Variants in GRIK1 observed in about 807,000 individuals in gnomAD.
GRIK1 encodes the protein glutamate receptor ionotropic, kainate 1.
In GRIK1, 69 loss-of-function variants were observed where a neutral mutation model predicts 105.7. That is an observed-to-expected ratio of 0.65 (90% CI 0.54 to 0.80). The LOEUF is 0.80. Among genes scored for constraint, GRIK1 ranks in the 30% least tolerant of loss-of-function variants. The probability of loss-of-function intolerance (pLI) is 0.00; values close to 1 mark genes in which losing one functional copy is unlikely to be tolerated. For missense variants in GRIK1, 1,109 were observed against 1,167.3 expected (o/e 0.95, Z 0.73); for synonymous variants, 438 against 431.3 (o/e 1.02, Z -0.19).
chr21:29,796,356 C>T (rs2066555073), intron 1 of GRIK1, among the ~76,000 whole-genome samples: 1 of 152,028 alleles, frequency 6.6e-6, no homozygotes, highest in Non-Finnish European at 1.5e-5. Flanking sequence ...TGGAGAAAGA[C>T]CTAAACTGCC....
rs375328933 is a variant in GRIK1 at position 29,641,590 on chromosome 21, C to T, written c.1098+1236G>A. On this transcript the variant is annotated intron_variant, in intron 7 of 17. Transcript: ENST00000327783. Reference sequence around the variant, plus strand: ...GAACTAAGATTTAAACCCATGCAGTCACTGCCAGGACTAGGATAAAGTAAG... The same window carrying T: ...GAACTAAGATTTAAACCCATGCAGTTACTGCCAGGACTAGGATAAAGTAAG... Among the ~76,000 whole-genome samples, 3 of 152,180 alleles carry T rather than the reference C, an allele frequency of 2.0e-5. 1 individual carries two copies. In the East Asian group the frequency reaches 5.8e-4, roughly 29 times the overall value.
intron 7 of GRIK1, among the ~76,000 whole-genome samples, chr21:29,601,945 T>TG (rs34117504): frequency 1.3e-5 from 2 of 152,250 alleles, no homozygotes; most frequent in African/African-American, 2.4e-5. Flanking sequence ...TTAATTTGTG[T>TG]TTTTACTTTT....
chr21:29,741,451 C>T (rs1226098255), intron 1 of GRIK1, among the ~76,000 whole-genome samples: 1 of 152,084 alleles, frequency 6.6e-6, no homozygotes, highest in East Asian at 1.9e-4. Context: ...TTTCTGAAAT[C>T]ATTGTGAATG....
intron 1 of GRIK1, among the ~76,000 whole-genome samples, chr21:29,841,838 G>C (rs1054461107): frequency 1.3e-5 from 2 of 151,982 alleles, no homozygotes; most frequent in Non-Finnish European, 2.9e-5. Context: ...GGAAACAATG[G>C]TTTCTGTTTG....
At chr21:29,722,970 T>C (rs2064359938) in intron 1 of GRIK1, among the ~76,000 whole-genome samples, 1 of 152,346 alleles carries the variant, frequency 6.6e-6, no homozygotes, top group East Asian at 1.9e-4. Flanking sequence ...TTTATGTCTA[T>C]CTCAATTTTA....
intron 1 of GRIK1, among the ~76,000 whole-genome samples, chr21:29,920,053 T>C (rs975988741): frequency 2.6e-5 from 4 of 152,168 alleles, no homozygotes; most frequent in Admixed American, 2.6e-4. Context: ...GAAGAATCAA[T>C]GAAGATTTAG....
intron 1 of GRIK1, among the ~76,000 whole-genome samples, chr21:29,739,248 A>T (rs1601571564): frequency 6.6e-6 from 1 of 152,342 alleles, no homozygotes; most frequent in South Asian, 2.1e-4. Context: ...CTCTGGCAAG[A>T]TGACATTTAA....
intron 1 of GRIK1, among the ~76,000 whole-genome samples, chr21:29,811,081 G>T (rs548891345): frequency 6.6e-6 from 1 of 152,202 alleles, no homozygotes; most frequent in African/African-American, 2.4e-5. Flanking sequence ...ATAATCTGGT[G>T]GTGCTCGCTG....
In GRIK1 at chr21:29,757,218, A is replaced by G. The variant is rs371635101; in HGVS notation, c.119-63155T>C. ...CAACCAGGGACTGTTCCAATATCACATTTAAAAGGGGTTGGTGGCCTCATT... is the reference window on the plus strand; with the variant it reads ...CAACCAGGGACTGTTCCAATATCACGTTTAAAAGGGGTTGGTGGCCTCATT... On this transcript the variant is annotated intron_variant, in intron 1 of 17. Transcript: ENST00000327783. Among the ~76,000 whole-genome samples, 342 of 152,350 alleles carry G rather than the reference A, an allele frequency of 2.2e-3. 10 individuals carry two copies. The South Asian group carries it at 0.057, about 25-fold the overall frequency.
At position 29,617,185 on chromosome 21, in the gene GRIK1, C is replaced by T. The variant is rs190703696; in HGVS notation, c.1099-18248G>A. Among the ~76,000 whole-genome samples the T allele has an allele frequency of 2.0e-5, 3 of 152,288 alleles. No individual in the cohort carries two copies. The East Asian group carries it at 5.8e-4, about 29-fold the overall frequency. ...GGCATTAAAAAGAAACATAAAACAC[C>T]TTCCAGAGAAGGAAACACACATCCT... is the stretch of plus-strand genomic sequence containing the variant. On this transcript the variant is annotated intron_variant, in intron 7 of 17. Transcript: ENST00000327783.
chr21:29,541,573 G>GTTTTTTTTTTTTTTTTTT (rs1202014711), intron 16 of GRIK1, among the ~76,000 whole-genome samples: 2 of 83,742 alleles, frequency 2.4e-5, no homozygotes, highest in African/African-American at 1.5e-4. Flanking sequence ...TGCACTCACG[G>GTTTTTTTTTTTTTTTTTT]TCTTTTTTTT....
At chr21:29,788,841 T>G (rs1050050183) in intron 1 of GRIK1, among the ~76,000 whole-genome samples, 1 of 152,160 alleles carries the variant, frequency 6.6e-6, no homozygotes, top group African/African-American at 2.4e-5. Context: ...GTTCACACTC[T>G]TATGAGAATC....
intron 1 of GRIK1, among the ~76,000 whole-genome samples, chr21:29,754,928 A>C (rs1467074000): frequency 6.6e-6 from 1 of 152,118 alleles, no homozygotes; most frequent in East Asian, 1.9e-4. Flanking sequence ...ATGTAGGCCA[A>C]TTCTTTGTAC....
At chr21:29,774,677 C>T (rs1290747721) in intron 1 of GRIK1, among the ~76,000 whole-genome samples, 1 of 152,014 alleles carries the variant, frequency 6.6e-6, no homozygotes, top group Non-Finnish European at 1.5e-5. Context: ...GTCTCAATCT[C>T]CTGACCTTGT....
intron 1 of GRIK1, among the ~76,000 whole-genome samples, chr21:29,768,092 T>C (rs537095270): frequency 6.6e-6 from 1 of 152,260 alleles, no homozygotes; most frequent in South Asian, 2.1e-4. Flanking sequence ...TCATGCAAGG[T>C]GCTTGAAGGT....
intron 1 of GRIK1, among the ~76,000 whole-genome samples, chr21:29,923,665 A>C (rs908609828): frequency 2.6e-5 from 4 of 152,218 alleles, no homozygotes; most frequent in Non-Finnish European, 5.9e-5. Flanking sequence ...GCTTGTTCTT[A>C]CATCTTAAGC....
intron 1 of GRIK1, among the ~76,000 whole-genome samples, chr21:29,768,663 C>T (rs779868992): frequency 3.3e-5 from 5 of 152,152 alleles, no homozygotes; most frequent in African/African-American, 4.8e-5. Context: ...CACCTGAACC[C>T]CATGCTGCAG....
chr21:29,852,916 A>T (rs920181149), intron 1 of GRIK1, among the ~76,000 whole-genome samples: 3 of 152,220 alleles, frequency 2.0e-5, no homozygotes, highest in African/African-American at 7.2e-5. Flanking sequence ...TAAACTATGT[A>T]GAGTGTCTAG....
At chr21:29,633,239 C>T (rs577392707) in intron 7 of GRIK1, among the ~76,000 whole-genome samples, 7 of 139,676 alleles carry the variant, frequency 5.0e-5, no homozygotes, top group African/African-American at 1.8e-4. Flanking sequence ...ACGTGGCTTA[C>T]GCCTGTAATC....
Sources: allele counts gnomAD v4.1 joint callset (sites outside exome capture counted in the v4.1 genomes callset), GRCh38; gene constraint gnomAD v4.1.1; transcripts MANE v1.5; gene names NCBI Gene and HGNC (gene_info 2026-07-23, HGNC 2026-07-21).